Variants in CACNA1D observed in about 807,000 individuals in gnomAD.
CACNA1D encodes voltage-dependent L-type calcium channel subunit alpha-1D.
A neutral mutation model predicts 257.1 loss-of-function variants in CACNA1D; 55 were observed. The observed-to-expected ratio is 0.21, with a 90% CI of 0.17 to 0.27. CACNA1D has a LOEUF of 0.27. CACNA1D is among the 10% of genes least tolerant of loss of function. The pLI, the probability that CACNA1D is intolerant of heterozygous loss-of-function variation, is 1.00. For synonymous variants in CACNA1D, 980 were observed against 1,014.9 expected (o/e 0.97, Z 0.65); for missense variants, 1,876 against 2,784.0 (o/e 0.67, Z 7.34).
chr3:53,646,070 A>G (rs2094016939), intron 3 of CACNA1D, among the ~76,000 whole-genome samples: 1 of 152,220 alleles, frequency 6.6e-6, no homozygotes, highest in Non-Finnish European at 1.5e-5. Flanking sequence ...TCCATGGGGC[A>G]GGCACCCTTG....
At chr3:53,543,849 A>G (rs560437443) in intron 3 of CACNA1D, among the ~76,000 whole-genome samples, 21 of 152,280 alleles carry the variant, frequency 1.4e-4, no homozygotes, top group Admixed American at 1.4e-3. Context: ...GTTGGGGGAG[A>G]GGGGCAATGG....
chr3:53,650,428 A>G (rs375277989), intron 3 of CACNA1D, among the ~76,000 whole-genome samples: 4 of 152,248 alleles, frequency 2.6e-5, no homozygotes, highest in African/African-American at 4.8e-5. Flanking sequence ...TGATTTGGCA[A>G]CCTCAGGAGG....
At chr3:53,711,038 C>A (rs889883422) in intron 9 of CACNA1D, among the ~76,000 whole-genome samples, 2 of 152,122 alleles carry the variant, frequency 1.3e-5, no homozygotes, top group African/African-American at 4.8e-5. Flanking sequence ...TGAGACTAGC[C>A]TGGGCAACAA....
intron 22 of CACNA1D, among the ~76,000 whole-genome samples, chr3:53,743,863 C>T (rs2095140719): frequency 6.6e-6 from 1 of 151,930 alleles, no homozygotes; most frequent in Non-Finnish European, 1.5e-5. Context: ...AAAGGACCTG[C>T]CCTCCTAGGA....
chr3:53,759,941 G>A (rs1194674170), intron 29 of CACNA1D, among the ~76,000 whole-genome samples: 1 of 152,236 alleles, frequency 6.6e-6, no homozygotes. Flanking sequence ...AGGAAAGCTA[G>A]AAAGCATAAG....
intron 9 of CACNA1D, among the ~76,000 whole-genome samples, chr3:53,704,477 GAC>G (rs2094664110): frequency 6.6e-6 from 1 of 152,208 alleles, no homozygotes; most frequent in Non-Finnish European, 1.5e-5. Context: ...TTTATAAATA[GAC>G]ATTCATGTGA....
At chr3:53,597,160 A>G (rs2093381284) in intron 3 of CACNA1D, among the ~76,000 whole-genome samples, 1 of 152,244 alleles carries the variant, frequency 6.6e-6, no homozygotes, top group Non-Finnish European at 1.5e-5. Flanking sequence ...TTGAGTGCCT[A>G]TATGTGCCAG....
At chr3:53,765,124 G>A (rs781290693) in intron 30 of CACNA1D, among the ~76,000 whole-genome samples, 1 of 152,172 alleles carries the variant, frequency 6.6e-6, no homozygotes, top group Non-Finnish European at 1.5e-5. Context: ...CTAGGCTGTG[G>A]GGAGGCACAA....
At chr3:53,731,571 C>T (rs776937451) in intron 17 of CACNA1D, among the ~76,000 whole-genome samples, 1 of 152,188 alleles carries the variant, frequency 6.6e-6, no homozygotes, top group Non-Finnish European at 1.5e-5. Context: ...TTTATGACAG[C>T]CCTGGTTGTT....
intron 3 of CACNA1D, among the ~76,000 whole-genome samples, chr3:53,643,346 C>T (rs983605282): frequency 5.3e-5 from 8 of 152,088 alleles, no homozygotes; most frequent in Non-Finnish European, 1.0e-4. Flanking sequence ...GGTTTACCCA[C>T]CAAAATTTTA....
intron 45 of CACNA1D, 180 bp from the exon 46 acceptor site, chr3:53,808,469 T>G (rs1456259749): frequency 2.9e-6 from 2 of 679,904 alleles, no homozygotes; most frequent in African/African-American, 3.6e-5. Context: ...TCACTGGGGC[T>G]TCTGCCTTCA....
chr3:53,602,791 T>C lies in CACNA1D; in HGVS notation c.484-47988T>C, dbSNP rs533773584. On this transcript the variant is annotated intron_variant, in intron 3 of 47. Coordinates refer to ENST00000350061, the MANE Select transcript of CACNA1D (RefSeq NM_001128840.3). ...ACAGATCTTTTGCCCATTTTTTAAA[T>C]TGGGCTTTTTTTTCCCCCTATTGAG... Among the ~76,000 whole-genome samples the C allele has an allele frequency of 2.6e-5, 4 of 152,334 alleles. No homozygotes were observed. In the South Asian group the frequency reaches 8.3e-4, roughly 32 times the overall value.
At chr3:53,806,681 A>G (rs2095567994) in intron 45 of CACNA1D, among the ~76,000 whole-genome samples, 1 of 152,226 alleles carries the variant, frequency 6.6e-6, no homozygotes, top group Non-Finnish European at 1.5e-5. Flanking sequence ...TATACTATAA[A>G]GAGCACCACT....
At chr3:53,653,517 TA>T (rs904574532) in intron 4 of CACNA1D, among the ~76,000 whole-genome samples, 5 of 150,506 alleles carry the variant, frequency 3.3e-5, no homozygotes, top group African/African-American at 7.3e-5. Flanking sequence ...TGGGACAATA[TA>T]AAAAAAAACA....
At chr3:53,727,240 G>A (rs1382934982) in intron 15 of CACNA1D, among the ~76,000 whole-genome samples, 1 of 152,212 alleles carries the variant, frequency 6.6e-6, no homozygotes, top group East Asian at 1.9e-4. Context: ...CCCAGGGAAG[G>A]AGCGTGAGAC....
intron 3 of CACNA1D, among the ~76,000 whole-genome samples, chr3:53,644,842 A>G (rs1464274953): frequency 6.6e-6 from 1 of 152,184 alleles, no homozygotes; most frequent in African/African-American, 2.4e-5. Flanking sequence ...CATTCCCAGA[A>G]GTGGGATCAC....
intron 25 of CACNA1D, among the ~76,000 whole-genome samples, chr3:53,747,051 G>T (rs937871387): frequency 6.6e-6 from 1 of 152,176 alleles, no homozygotes; most frequent in African/African-American, 2.4e-5. Context: ...CGTATGCCCG[G>T]TGTCTGGGTG....
At chr3:53,775,374 C>T (rs1358009155) in intron 34 of CACNA1D, among the ~76,000 whole-genome samples, 3 of 152,062 alleles carry the variant, frequency 2.0e-5, no homozygotes, top group Non-Finnish European at 4.4e-5. Flanking sequence ...CCCAGGAGTT[C>T]GAGACCAGCC....
At chr3:53,500,388 T>C (rs1383205782) in intron 2 of CACNA1D, among the ~76,000 whole-genome samples, 2 of 150,450 alleles carry the variant, frequency 1.3e-5, no homozygotes, top group African/African-American at 4.9e-5. Flanking sequence ...CAAGTTGAGA[T>C]TGCGCCAGTG....
Sources: allele counts gnomAD v4.1 joint callset (sites outside exome capture counted in the v4.1 genomes callset), GRCh38; gene constraint gnomAD v4.1.1; transcripts MANE v1.5; gene names NCBI Gene and HGNC (gene_info 2026-07-23, HGNC 2026-07-21).